TAFA1: variants seen among roughly 807,000 people sequenced by gnomAD.
TAFA1 encodes chemokine-like protein TAFA-1.
Under a neutral mutation model 18.5 loss-of-function variants are expected in TAFA1, and 4 were observed. That is an observed-to-expected ratio of 0.22 (90% CI 0.11 to 0.49). The LOEUF is 0.49. Ranked by LOEUF, TAFA1 falls within the 20% of genes least tolerant of loss-of-function variation. The pLI, the probability that TAFA1 is intolerant of heterozygous loss-of-function variation, is 0.98. For synonymous variants in TAFA1, 56 were observed against 55.2 expected (o/e 1.01, Z -0.06); for missense variants, 147 against 169.0 (o/e 0.87, Z 0.72).
At chr3:68,222,974 T>G (rs749355559) in intron 2 of TAFA1, among the ~76,000 whole-genome samples, 17 of 152,194 alleles carry the variant, frequency 1.1e-4, no homozygotes, top group Non-Finnish European at 1.6e-4. Flanking sequence ...CCACTGTGCC[T>G]GGCCAGTATT....
In TAFA1 at chr3:68,137,317, C is replaced by T. The variant is rs115546271; in HGVS notation, c.118+130573C>T. Among the ~76,000 whole-genome samples the T allele has an allele frequency of 1.8e-3, 279 of 151,940 alleles. 1 individual carries two copies. The highest frequency in any genetic ancestry group is 6.3e-3 in the African/African-American group (261 of 41,444). On this transcript the variant is annotated intron_variant, in intron 2 of 4. Transcript: ENST00000478136. The stretch of plus-strand genomic sequence containing the variant: ...TCAATTTTATAATTAAATGAAAGAG[C>T]AAGCCTTGACAAGTGTTGACCTCCC...
chr3:68,379,611 A>T (rs560273940), intron 2 of TAFA1, among the ~76,000 whole-genome samples: 6 of 152,006 alleles, frequency 3.9e-5, no homozygotes, highest in African/African-American at 1.4e-4. Context: ...TCTTCCAGGG[A>T]TTTTTAGAGG....
intron 2 of TAFA1, among the ~76,000 whole-genome samples, chr3:68,344,900 G>A (rs2106760953): frequency 6.6e-6 from 1 of 152,212 alleles, no homozygotes; most frequent in Non-Finnish European, 1.5e-5. Flanking sequence ...CCAACTAACA[G>A]CTAGCACAGA....
chr3:68,016,379 T>C (rs543911834), intron 2 of TAFA1, among the ~76,000 whole-genome samples: 63 of 152,326 alleles, frequency 4.1e-4, no homozygotes, highest in African/African-American at 1.4e-3. Flanking sequence ...ACTTTTGCTT[T>C]AGGTTCAGAG....
At chr3:68,522,310 C>T (rs577089239) in intron 3 of TAFA1, among the ~76,000 whole-genome samples, 92 of 152,156 alleles carry the variant, frequency 6.0e-4, no homozygotes, top group African/African-American at 1.8e-3. Context: ...AATGAGAACA[C>T]GTATTTGGAT....
intron 2 of TAFA1, among the ~76,000 whole-genome samples, chr3:68,339,985 A>G (rs193217976): frequency 2.0e-5 from 3 of 152,332 alleles, no homozygotes; most frequent in Admixed American, 6.5e-5. Context: ...TGTTCCACCA[A>G]GGAGTTTCCT....
intron 2 of TAFA1, among the ~76,000 whole-genome samples, chr3:68,013,349 A>G (rs1559701741): frequency 1.3e-5 from 2 of 152,128 alleles, no homozygotes; most frequent in Non-Finnish European, 2.9e-5. Flanking sequence ...TTGTCAGTAT[A>G]ACATACATGT....
chr3:68,368,259 C>G (rs2069609651), intron 2 of TAFA1, among the ~76,000 whole-genome samples: 1 of 152,122 alleles, frequency 6.6e-6, no homozygotes, highest in Admixed American at 6.6e-5. Context: ...ATGAAATAAA[C>G]CCAATACATT....
intron 3 of TAFA1, among the ~76,000 whole-genome samples, chr3:68,439,036 T>C (rs1384388511): frequency 6.6e-6 from 1 of 152,068 alleles, no homozygotes; most frequent in African/African-American, 2.4e-5. Flanking sequence ...GCCTTTGGGA[T>C]CTTTCTTCCA....
At chr3:68,081,272 C>A (rs1460729000) in intron 2 of TAFA1, among the ~76,000 whole-genome samples, 5 of 152,084 alleles carry the variant, frequency 3.3e-5, no homozygotes, top group Non-Finnish European at 5.9e-5. Flanking sequence ...CCTCCCATAG[C>A]TCAGAGTAAT....
chr3:68,373,789 T>A (rs1476339077), intron 2 of TAFA1, among the ~76,000 whole-genome samples: 1 of 152,164 alleles, frequency 6.6e-6, no homozygotes. Context: ...CAAATCTAAC[T>A]CCAATGTGAA....
intron 2 of TAFA1, among the ~76,000 whole-genome samples, chr3:68,179,329 A>T (rs532294283): frequency 6.6e-6 from 1 of 152,332 alleles, no homozygotes; most frequent in South Asian, 2.1e-4. Context: ...ACAACCCTAC[A>T]TTACTAAATG....
intron 2 of TAFA1, among the ~76,000 whole-genome samples, chr3:68,414,120 C>G (rs1309122196): frequency 6.6e-6 from 1 of 152,124 alleles, no homozygotes; most frequent in Non-Finnish European, 1.5e-5. Context: ...TCCTGACCAA[C>G]ATGGAGAAAC....
At chr3:68,110,182 A>C (rs748513355) in intron 2 of TAFA1, among the ~76,000 whole-genome samples, 48 of 151,998 alleles carry the variant, frequency 3.2e-4, no homozygotes, top group Non-Finnish European at 3.7e-4. Flanking sequence ...CCATGTGTCC[A>C]TGTGTTCTCA....
intron 2 of TAFA1, among the ~76,000 whole-genome samples, chr3:68,354,092 A>T (rs2106780549): frequency 6.6e-6 from 1 of 152,080 alleles, no homozygotes; most frequent in Non-Finnish European, 1.5e-5. Flanking sequence ...TTCATTTTTT[A>T]AAACAAAACA....
the TAFA1 span, among the ~76,000 whole-genome samples, chr3:67,993,330 C>T: frequency 6.6e-6 from 1 of 152,192 alleles, no homozygotes; most frequent in Non-Finnish European, 1.5e-5. Flanking sequence ...GCCGAAGCAC[C>T]TGGGTGAGTG....
At chr3:68,441,849 A>G (rs1230237528) in intron 3 of TAFA1, among the ~76,000 whole-genome samples, 1 of 152,210 alleles carries the variant, frequency 6.6e-6, no homozygotes, top group Non-Finnish European at 1.5e-5. Context: ...CAGCTGCAGC[A>G]CTACAGCCCC....
intron 2 of TAFA1, among the ~76,000 whole-genome samples, chr3:68,313,032 C>T (rs988356150): frequency 2.0e-5 from 3 of 152,034 alleles, no homozygotes; most frequent in African/African-American, 7.2e-5. Flanking sequence ...TTTTTAAAGT[C>T]GTCAGATCTC....
intron 2 of TAFA1, among the ~76,000 whole-genome samples, chr3:68,104,799 T>C (rs2065186367): frequency 6.6e-6 from 1 of 152,176 alleles, no homozygotes; most frequent in Non-Finnish European, 1.5e-5. Flanking sequence ...GACTGAAATA[T>C]TTACTATCTA....
Sources: gnomAD v4.1 joint callset for allele counts (sites outside exome capture counted in the v4.1 genomes callset) on GRCh38, gnomAD v4.1.1 for gene constraint, MANE v1.5 for transcripts, NCBI Gene and HGNC (gene_info 2026-07-23, HGNC 2026-07-21) for gene names.